ANKS1B: variants seen among roughly 807,000 people sequenced by gnomAD.
ANKS1B encodes ankyrin repeat and sterile alpha motif domain-containing protein 1B.
In ANKS1B, 36 loss-of-function variants were observed where a neutral mutation model predicts 148.3. The ratio of observed to expected loss-of-function variants is 0.24; its 90% confidence interval spans 0.19 to 0.32. ANKS1B has a LOEUF of 0.32. Among genes scored for constraint, ANKS1B ranks in the 10% least tolerant of loss-of-function variants. The pLI, the probability that ANKS1B is intolerant of heterozygous loss-of-function variation, is 1.00. For synonymous variants in ANKS1B, 542 were observed against 560.8 expected, an observed-to-expected ratio of 0.97 and a Z score of 0.47; for missense variants, 1,157 against 1,542.6, an observed-to-expected ratio of 0.75 and a Z score of 4.19.
chr12:99,675,368 T>C (rs1599418450), intron 8 of ANKS1B, among the ~76,000 whole-genome samples: 2 of 152,124 alleles, frequency 1.3e-5, no homozygotes, highest in East Asian at 3.9e-4. Context: ...AGAAAATATT[T>C]AAAGATCTTT....
chr12:99,621,859 A>AAACT (rs112339641), intron 9 of ANKS1B, among the ~76,000 whole-genome samples: 103,524 of 151,140 alleles, frequency 0.68, 35,567 homozygotes, highest in Admixed American at 0.74. Flanking sequence ...TTGAGGCAGA[A>AAACT]AACAAAGAAA....
At chr12:99,446,736 A>G (rs932800154) in intron 10 of ANKS1B, among the ~76,000 whole-genome samples, 1 of 152,122 alleles carries the variant, frequency 6.6e-6, no homozygotes, top group African/African-American at 2.4e-5. Flanking sequence ...ACCAACTTCC[A>G]GAAACTTAAA....
Position 99,825,312 on chromosome 12 carries a change from T to C in ANKS1B, c.212A>G (p.His71Arg), listed in dbSNP as rs750585417. The C allele has an allele frequency of 1.2e-6, 2 of 1,612,092 alleles. No individual in the cohort carries two copies. Among genetic ancestry groups the C allele is most frequent in the South Asian group, 1.1e-5 (1 of 90,550 alleles). Residue 71 changes from histidine (H) to arginine (R), a missense_variant, in exon 2 of 27, where the codon CAT becomes CGT. His to Arg is a conservative substitution (Grantham distance 29, BLOSUM62 0). Transcript: ENST00000683438. ...CGTCCAAATAAGTGGCACTTACTTA[T>C]GTCCATTTAAGGCTGCGTGGTGTAA... is the stretch of plus-strand genomic sequence containing the variant. ...TALHHAALNG[H>R]KDIVLKLLQY...
Position 99,646,634 on chromosome 12 carries a change from C to T in ANKS1B, c.1272+8433G>A, listed in dbSNP as rs577725451. On this transcript the variant is annotated intron_variant, in intron 9 of 26. Transcript: ENST00000683438. ...ACGCCACTGATTCCAGCCCGGGTGA[C>T]AGAGTGAGACTCCATCTCAAAAAAA... 2.3e-3 allele frequency among the ~76,000 whole-genome samples: 256 copies of T among 112,842 alleles called. 3 individuals are homozygous for T. Among genetic ancestry groups the T allele is most frequent in the African/African-American group, 8.3e-3 (235 of 28,446 alleles). 74.0% of individuals were successfully genotyped at this position (112,842 alleles called of 152,430 possible). A position where few individuals can be genotyped will look rare whatever the true frequency, so the allele number is the denominator to read the frequency against.
rs568108088 is a variant in ANKS1B at position 98,900,583 on chromosome 12, G to C, written c.2779-68447C>G. 1.2e-4 allele frequency among the ~76,000 whole-genome samples: 18 copies of C among 152,258 alleles called. No homozygotes were observed. In the South Asian group the frequency reaches 3.5e-3, roughly 30 times the overall value. On this transcript the variant is annotated intron_variant, in intron 17 of 26. Coordinates refer to ENST00000683438, the MANE Select transcript of ANKS1B (RefSeq NM_001352186.2). ...AAAGGTGATGAGAAAGTAAGAGAGA[G>C]TGAGAGCATGCCTTTTGGTTTTATA...
chr12:98,756,832 A>G (rs915417121), intron 25 of ANKS1B, among the ~76,000 whole-genome samples: 1 of 143,516 alleles, frequency 7.0e-6, no homozygotes, highest in Non-Finnish European at 1.5e-5. Context: ...GCTTCAAGGG[A>G]TTCTCCTGCC....
intron 12 of ANKS1B, among the ~76,000 whole-genome samples, chr12:99,254,718 G>A (rs183138395): frequency 1.3e-5 from 2 of 152,246 alleles, no homozygotes; most frequent in East Asian, 1.9e-4. Context: ...AATTTTAATT[G>A]TGACTAGATA....
rs367921803 is a variant in ANKS1B, at chr12:98,932,057, G to A, written c.2779-99921C>T. Among the ~76,000 whole-genome samples the A allele has an allele frequency of 1.4e-4, 21 of 152,230 alleles. No homozygotes were observed. The East Asian group carries it at 3.1e-3, about 22-fold the overall frequency. On this transcript the variant is annotated intron_variant, in intron 17 of 26. Coordinates refer to ENST00000683438, the MANE Select transcript of ANKS1B (RefSeq NM_001352186.2). ...CTCGGTCTTCTCAGCTTTCAAAGGC[G>A]ACACCTGCCTCTGGCCTCTCTCTGC...
intron 26 of ANKS1B, among the ~76,000 whole-genome samples, chr12:98,750,862 C>A (rs2098069074): frequency 6.6e-6 from 1 of 152,246 alleles, no homozygotes; most frequent in East Asian, 1.9e-4. Context: ...GGAGACAAAG[C>A]ACGCAGGCCA....
chr12:99,326,539 C>T (rs2086333808), intron 12 of ANKS1B, among the ~76,000 whole-genome samples: 1 of 152,052 alleles, frequency 6.6e-6, no homozygotes, highest in African/African-American at 2.4e-5. Flanking sequence ...TCTTTAAGGA[C>T]ACCTGTTTTT....
At chr12:99,451,312 T>C (rs900622119) in intron 10 of ANKS1B, among the ~76,000 whole-genome samples, 8 of 152,220 alleles carry the variant, frequency 5.3e-5, no homozygotes, top group Non-Finnish European at 5.9e-5. Flanking sequence ...ATGTGCAACA[T>C]TACAGTCTAG....
At chr12:99,894,517 A>AG (rs1419627608) in intron 1 of ANKS1B, among the ~76,000 whole-genome samples, 1 of 141,200 alleles carries the variant, frequency 7.1e-6, no homozygotes, top group African/African-American at 2.6e-5. Flanking sequence ...TCAAAAAAAA[A>AG]AAAAAAAAAA....
intron 10 of ANKS1B, among the ~76,000 whole-genome samples, chr12:99,454,707 T>C (rs1056003042): frequency 1.3e-5 from 2 of 152,238 alleles, no homozygotes; most frequent in South Asian, 4.1e-4. Flanking sequence ...CCTTGTCTTA[T>C]AAATTCTCTA....
intron 1 of ANKS1B, among the ~76,000 whole-genome samples, chr12:99,893,676 T>G (rs1018211512): frequency 6.6e-6 from 1 of 152,224 alleles, no homozygotes; most frequent in Admixed American, 6.5e-5. Flanking sequence ...TGTCTATTGT[T>G]CCCATATTTA....
chr12:99,473,190 C>G (rs1019476296), intron 10 of ANKS1B, among the ~76,000 whole-genome samples: 5 of 151,978 alleles, frequency 3.3e-5, no homozygotes, highest in Non-Finnish European at 4.4e-5. Flanking sequence ...ATGTCACAGA[C>G]ATATTGTGTT....
At chr12:98,839,334 T>C (rs1315744218) in intron 17 of ANKS1B, among the ~76,000 whole-genome samples, 1 of 152,134 alleles carries the variant, frequency 6.6e-6, no homozygotes. Context: ...ATTAAAACCA[T>C]GTGAACGTAT....
intron 17 of ANKS1B, among the ~76,000 whole-genome samples, chr12:99,037,389 C>G (rs2099956201): frequency 6.6e-6 from 1 of 151,810 alleles, no homozygotes; most frequent in Admixed American, 6.6e-5. Context: ...GGTGGCGGGT[C>G]CCTGTAATCC....
At chr12:99,793,534 C>T (rs765040312) in intron 4 of ANKS1B, among the ~76,000 whole-genome samples, 2 of 152,036 alleles carry the variant, frequency 1.3e-5, no homozygotes, top group Non-Finnish European at 2.9e-5. Flanking sequence ...CTACAGTGAA[C>T]TCATTTTCGA....
chr12:99,891,705 T>C (rs1043002710), intron 1 of ANKS1B, among the ~76,000 whole-genome samples: 12 of 152,324 alleles, frequency 7.9e-5, no homozygotes, highest in African/African-American at 2.9e-4. Context: ...TATGATAAAA[T>C]TGTGGAAATT....
Sources: gnomAD v4.1 joint callset for allele counts (sites outside exome capture counted in the v4.1 genomes callset) on GRCh38, gnomAD v4.1.1 for gene constraint, MANE v1.5 for transcripts, NCBI Gene and HGNC (gene_info 2026-07-23, HGNC 2026-07-21) for gene names.